The following ZNF230 variants were observed in gnomAD, a reference collection of about 807,000 sequenced individuals.
The protein encoded by ZNF230 is zinc finger protein 230, also known as zinc finger protein FDZF2.
A neutral mutation model predicts 10.0 loss-of-function variants in ZNF230; 12 were observed. The ratio of observed to expected loss-of-function variants is 1.20; its 90% confidence interval spans 0.77 to 1.95. The LOEUF (loss-of-function observed/expected upper bound fraction) is 1.95, where lower values mean the gene tolerates loss of function less well. ZNF230 is among the 30% of genes most tolerant of loss of function. ZNF230 has a pLI of 0.00. For synonymous variants in ZNF230, 174 were observed against 193.6 expected (o/e 0.90, Z 0.84); for missense variants, 532 against 565.8 (o/e 0.94, Z 0.61).
At position 44,010,296 on chromosome 19, in the gene ZNF230, CA is replaced by C; in HGVS notation, c.258del (p.His87MetfsTer17). ...GGCAAGACTATTGCGGAAGCAGGAC[CA>C]CATGAAGACTGCCCTTGCCAGCAAA... Reference protein sequence around the residue: ...SGGKTIAEAGPHEDCPCQQIW... With the variant: ...SGGKTIAEAGXHEDCPCQQIW... On this transcript the variant is annotated frameshift_variant, in exon 5 of 5. Coordinates refer to ENST00000429154, the MANE Select transcript of ZNF230 (RefSeq NM_006300.4). LOFTEE classifies it low-confidence loss of function (END_TRUNC). The C allele has an allele frequency of 6.2e-6, 10 of 1,611,696 alleles. No individual in the cohort carries two copies. Among genetic ancestry groups the C allele is most frequent in the Non-Finnish European group, 8.5e-6 (10 of 1,178,468 alleles).
intron 2 of ZNF230, 147 bp from the exon 3 acceptor site, chr19:44,008,643 C>A: frequency 9.9e-7 from 1 of 1,011,074 alleles, no homozygotes; most frequent in Non-Finnish European, 1.4e-6. Context: ...TCTGGTGGAG[C>A]TCAGGAAAAT....
rs1228859838 is a variant in ZNF230 at position 44,008,843 on chromosome 19, G to A, written c.69G>A (p.Gly23=). ...TGTTCTTCACTGAGGAGGAACTGGG[G>A]CTACTGGACCCTGCCCAGAGGAAGC... ...VAVFFTEEEL[G]LLDPAQRKLY... is the part of the protein sequence containing the mutation. Residue 23 remains glycine, a synonymous_variant, in exon 3 of 5, where the codon GGG becomes GGA. Transcript: ENST00000429154. 6.2e-7 allele frequency: 1 copy of A among 1,613,966 alleles called. No individual in the cohort carries two copies. Among genetic ancestry groups the A allele is most frequent in the African/African-American group, 1.3e-5 (1 of 74,884 alleles).
At position 44,009,336 on chromosome 19, in the gene ZNF230, A is replaced by G. The variant is rs900376530; in HGVS notation, c.229+166A>G. On this transcript the variant is annotated intron_variant, in intron 4 of 4. Coordinates refer to ENST00000429154, the MANE Select transcript of ZNF230 (RefSeq NM_006300.4). ...GTCCTGTTCCCTCCCTTCCACCCTG[A>G]CATCTATTTTCCCCCGAGCAGCCAA... is the stretch of plus-strand genomic sequence containing the variant. The G allele has an allele frequency of 1.6e-5, 12 of 745,782 alleles. No individual in the cohort carries two copies. The Admixed American group carries it at 1.8e-4, about 11-fold the overall frequency. 46.2% of individuals were successfully genotyped at this position (745,782 alleles called of 1,614,324 possible). A position where few individuals can be genotyped will look rare whatever the true frequency, so the allele number is the denominator to read the frequency against.
intron 2 of ZNF230, among the ~76,000 whole-genome samples, 199 bp from the exon 3 acceptor site, chr19:44,008,591 G>A (rs181130052): frequency 2.0e-5 from 3 of 152,290 alleles, no homozygotes; most frequent in East Asian, 1.9e-4. Flanking sequence ...CTCAGTAAGT[G>A]CACAAAGTAA....
chr19:44,003,449 T>C (rs1485856239), intron 1 of ZNF230: 1 of 152,154 alleles, frequency 6.6e-6, no homozygotes, highest in African/African-American at 2.4e-5. Context: ...TGGTGACTGG[T>C]GGTCTCTTGT....
chr19:44,006,781 A>T (rs7255315), intron 1 of ZNF230: 143,182 of 257,778 alleles, frequency 0.56, 44,340 homozygotes, highest in Non-Finnish European at 0.69. Context: ...TGCATGTTGT[A>T]GCATGGGTTG....
intron 2 of ZNF230, among the ~76,000 whole-genome samples, chr19:44,008,415 G>T (rs140762460): frequency 1.0e-3 from 156 of 152,156 alleles, no homozygotes; most frequent in Non-Finnish European, 1.9e-3. Flanking sequence ...AGCATCCAGG[G>T]TTTGGGTCTG....
chr19:44,003,762 C>CT, intron 1 of ZNF230: 1 of 203,128 alleles, frequency 4.9e-6, no homozygotes. Flanking sequence ...TGGTCCTTGG[C>CT]TTTTTTCCTT....
At chr19:44,003,656 G>T in intron 1 of ZNF230, 1 of 209,262 alleles carries the variant, frequency 4.8e-6, no homozygotes, top group South Asian at 9.1e-5. Context: ...GATGCAGTCA[G>T]GGTATTTCAC....
rs141922155 is a variant in ZNF230 at position 44,011,406 on chromosome 19, G to A, written c.1367G>A (p.Arg456His). ...TCCAAATGTGAGGACTGTGGGAAGC[G>A]CTACAAGAGGCGCTTGAATCTGGAT... ...NSSKCEDCGK[R>H]YKRRLNLDII... The change falls in exon 5 of 5, where the codon CGC becomes CAC. Residue 456 changes from arginine to histidine, a missense_variant. By Grantham distance (29) the Arg-to-His change is conservative (BLOSUM62 0). Coordinates refer to ENST00000429154, the MANE Select transcript of ZNF230 (RefSeq NM_006300.4). 6,613 of 1,608,774 alleles carry A rather than the reference G, an allele frequency of 4.1e-3. 20 individuals are homozygous for A. The highest frequency in any genetic ancestry group is 4.7e-3 in the Non-Finnish European group (5,568 of 1,178,548).
At chr19:44,004,953 TAA>T (rs879509588) in intron 1 of ZNF230, among the ~76,000 whole-genome samples, 1 of 142,574 alleles carries the variant, frequency 7.0e-6, no homozygotes, top group African/African-American at 2.6e-5. Context: ...CCATCTCTAC[TAA>T]AAAAAAAAAT....
Position 44,012,069 on chromosome 19 carries a change from T to TG in ZNF230, c.*605_*606insG. The TG allele has an allele frequency of 5.5e-6, 1 of 183,182 alleles. No individual in the cohort carries two copies. The highest frequency in any genetic ancestry group is 1.1e-5 in the Non-Finnish European group (1 of 88,340). 11.3% of individuals were successfully genotyped at this position (183,182 alleles called of 1,614,324 possible). ...TGTAGATATCTGATCCACATACTGA[T>TG]TTCCTTTGCTTTGGATATACTCAAT... On this transcript the variant is annotated 3_prime_UTR_variant, in exon 5 of 5. Transcript: ENST00000429154.
In ZNF230 at chr19:44,007,143, T is replaced by G. The variant is rs1309886342; in HGVS notation, c.15+50T>G. 3.2e-6 allele frequency: 5 copies of G among 1,571,206 alleles called. No individual in the cohort carries two copies. In the Admixed American group the frequency reaches 8.6e-5, roughly 27 times the overall value. ...TATTAAAATTCCATCTTATTGCTCA[T>G]ATTGTCATATATTTTTCTCTGTCTT... On this transcript the variant is annotated intron_variant, in intron 2 of 4. Coordinates refer to ENST00000429154, the MANE Select transcript of ZNF230 (RefSeq NM_006300.4).
chr19:44,008,782 T>A lies in ZNF230; in HGVS notation c.16-8T>A, dbSNP rs1015929429. The A allele has an allele frequency of 3.7e-6, 6 of 1,613,116 alleles. No individual in the cohort carries two copies. The African/African-American group carries it at 8.0e-5, about 22-fold the overall frequency. On this transcript the variant is annotated splice_polypyrimidine_tract_variant and splice_region_variant and intron_variant, in intron 2 of 4. Coordinates refer to ENST00000429154, the MANE Select transcript of ZNF230 (RefSeq NM_006300.4). ...TAGGATTGAGGTTATGTATCCTTGA[T>A]GTTATAGGAGGCAGTGACCTTCAAG...
At chr19:44,005,521 G>T (rs1043194078) in intron 1 of ZNF230, among the ~76,000 whole-genome samples, 3 of 152,178 alleles carry the variant, frequency 2.0e-5, no homozygotes, top group Non-Finnish European at 4.4e-5. Context: ...TCATTAGATA[G>T]TGTTGAATAG....
rs768703471 is a variant in ZNF230 at position 44,010,393 on chromosome 19, A to C, written c.354A>C (p.Glu118Asp). ...TCATAAATAATTCTCACTTCTTTGA[A>C]CAAGGTGATGTCCCCTCCCAGGTTG... ...DSIINNSHFFEQGDVPSQVEA... is the reference protein window; with the variant it reads ...DSIINNSHFFDQGDVPSQVEA... Residue 118 changes from glutamate to aspartate, a missense_variant, in exon 5 of 5, where the codon GAA becomes GAC. Physicochemically the swap from Glu to Asp is conservative, Grantham distance 45. Coordinates refer to ENST00000429154, the MANE Select transcript of ZNF230 (RefSeq NM_006300.4). 1 of 1,614,224 alleles carries C rather than the reference A, an allele frequency of 6.2e-7. No individual in the cohort carries two copies. The highest frequency in any genetic ancestry group is 1.1e-5 in the South Asian group (1 of 91,090).
At chr19:44,008,951 G>T (rs1287652023) in intron 3 of ZNF230, 35 bp downstream of exon 3, 1 of 1,610,864 alleles carries the variant, frequency 6.2e-7, no homozygotes, top group East Asian at 2.2e-5. Flanking sequence ...GGTACATCAG[G>T]CCTCAGGAGT....
chr19:44,010,189 C>T lies in ZNF230; in HGVS notation c.230-80C>T, dbSNP rs150033830. The T allele has an allele frequency of 1.2e-4, 159 of 1,311,138 alleles. 2 individuals carry two copies. The African/African-American group carries it at 2.1e-3, about 17-fold the overall frequency. 81.2% of individuals were successfully genotyped at this position (1,311,138 alleles called of 1,614,324 possible). A position where few individuals can be genotyped will look rare whatever the true frequency, so the allele number is the denominator to read the frequency against. The stretch of plus-strand genomic sequence containing the variant: ...ACTGAACATTCATTAAAGTTGAATG[C>T]CATATCCTAAGTGTGAAATCTTAAA... On this transcript the variant is annotated intron_variant, in intron 4 of 4. Coordinates refer to ENST00000429154, the MANE Select transcript of ZNF230 (RefSeq NM_006300.4).
At position 44,011,219 on chromosome 19, in the gene ZNF230, T is replaced by C; in HGVS notation, c.1180T>C (p.Cys394Arg). ...CCATACTGGAGAGAGACCTTATAAT[T>C]GTAAGGAATGTGGGAAGAGCTTTAG... ...RVHTGERPYN[C>R]KECGKSFSRA... Residue 394 changes from cysteine (C) to arginine (R), a missense_variant, in exon 5 of 5, where the codon TGT becomes CGT. Cys to Arg is a radical substitution (Grantham distance 180, BLOSUM62 -3). Transcript: ENST00000429154. 1 of 1,614,018 alleles carries C rather than the reference T, an allele frequency of 6.2e-7. No individual in the cohort carries two copies. Among genetic ancestry groups the C allele is most frequent in the East Asian group, 2.2e-5 (1 of 44,874 alleles).
Sources: allele counts gnomAD v4.1 joint callset (sites outside exome capture counted in the v4.1 genomes callset), GRCh38; gene constraint gnomAD v4.1.1; transcripts MANE v1.5; gene names NCBI Gene and HGNC (gene_info 2026-07-23, HGNC 2026-07-21).